Variants in CNTN5 observed in about 807,000 individuals in gnomAD.
CNTN5 encodes the protein contactin 5.
A neutral mutation model predicts 129.1 loss-of-function variants in CNTN5; 77 were observed. That is an observed-to-expected ratio of 0.60 (90% CI 0.50 to 0.72). The LOEUF (loss-of-function observed/expected upper bound fraction) is 0.72. Among genes scored for constraint, CNTN5 ranks in the 30% least tolerant of loss-of-function variants. The pLI, the probability that CNTN5 is intolerant of heterozygous loss-of-function variation, is 0.00. For synonymous variants in CNTN5, 509 were observed against 465.6 expected, an observed-to-expected ratio of 1.09 and a Z score of -1.20; for missense variants, 1,478 against 1,328.8, an observed-to-expected ratio of 1.11 and a Z score of -1.75.
At chr11:100,146,861 T>C (rs1404757894) in intron 13 of CNTN5, among the ~76,000 whole-genome samples, 1 of 152,160 alleles carries the variant, frequency 6.6e-6, no homozygotes, top group African/African-American at 2.4e-5. Flanking sequence ...AAATTTATTG[T>C]GTCAGCTCTT....
chr11:100,228,701 G>A (rs918518213), intron 16 of CNTN5, among the ~76,000 whole-genome samples: 3 of 152,064 alleles, frequency 2.0e-5, no homozygotes, highest in East Asian at 1.9e-4. Context: ...CACTGAAGTC[G>A]GCACTCAGAG....
intron 2 of CNTN5, among the ~76,000 whole-genome samples, chr11:99,554,870 G>C (rs1948614926): frequency 1.3e-5 from 2 of 152,006 alleles, no homozygotes; most frequent in Admixed American, 6.6e-5. Context: ...TTAGCTATGA[G>C]GTTGTTATTT....
intron 1 of CNTN5, among the ~76,000 whole-genome samples, chr11:99,130,889 A>C (rs564043785): frequency 2.6e-5 from 4 of 152,272 alleles, no homozygotes; most frequent in African/African-American, 9.6e-5. Context: ...TTAAGGCAGA[A>C]ATCAAGGAGT....
At chr11:100,178,850 A>T (rs1418417510) in intron 13 of CNTN5, among the ~76,000 whole-genome samples, 1 of 152,150 alleles carries the variant, frequency 6.6e-6, no homozygotes, top group South Asian at 2.1e-4. Flanking sequence ...TATATTGAAG[A>T]ACTCTCCAGC....
chr11:99,436,510 A>G (rs1039173007), intron 2 of CNTN5, among the ~76,000 whole-genome samples: 2 of 152,154 alleles, frequency 1.3e-5, no homozygotes, highest in African/African-American at 2.4e-5. Flanking sequence ...TTTAAGGTAC[A>G]GTTTCCCCAT....
intron 9 of CNTN5, among the ~76,000 whole-genome samples, chr11:100,048,938 G>C (rs1942824190): frequency 2.0e-5 from 3 of 152,028 alleles, no homozygotes; most frequent in Admixed American, 2.0e-4. Context: ...ATCTTAAATA[G>C]TTCACTTGGA....
chr11:99,371,782 A>G (rs1259965658), intron 2 of CNTN5, among the ~76,000 whole-genome samples: 1 of 152,206 alleles, frequency 6.6e-6, no homozygotes, highest in Non-Finnish European at 1.5e-5. Context: ...TTAATATAAA[A>G]CACACACCCC....
At chr11:100,027,618 C>T (rs1317139421) in intron 9 of CNTN5, among the ~76,000 whole-genome samples, 1 of 152,152 alleles carries the variant, frequency 6.6e-6, no homozygotes, top group Non-Finnish European at 1.5e-5. Context: ...TGAGGGATGT[C>T]CTGTAGATCT....
intron 17 of CNTN5, among the ~76,000 whole-genome samples, chr11:100,260,788 AC>A (rs1317555379): frequency 3.9e-5 from 6 of 152,362 alleles, no homozygotes; most frequent in Non-Finnish European, 8.8e-5. Context: ...TACTGATGGA[AC>A]ATATCTCAAA....
At chr11:99,532,939 G>A (rs1265778828) in intron 2 of CNTN5, among the ~76,000 whole-genome samples, 1 of 152,142 alleles carries the variant, frequency 6.6e-6, no homozygotes, top group Admixed American at 6.5e-5. Context: ...AATACCAATT[G>A]GGGCTGGGCA....
intron 1 of CNTN5, among the ~76,000 whole-genome samples, chr11:99,188,872 T>C (rs887398731): frequency 1.5e-4 from 23 of 151,894 alleles, no homozygotes; most frequent in African/African-American, 5.5e-4. Context: ...AGTTTTCTAC[T>C]CTCTTAGGAA....
At chr11:99,737,150 C>G (rs1030958297) in intron 3 of CNTN5, among the ~76,000 whole-genome samples, 2 of 150,100 alleles carry the variant, frequency 1.3e-5, no homozygotes, top group Non-Finnish European at 3.0e-5. Flanking sequence ...CACAAACACA[C>G]ACACACACAC....
chr11:99,430,965 C>CA (rs1477626359), intron 2 of CNTN5, among the ~76,000 whole-genome samples: 3 of 144,224 alleles, frequency 2.1e-5, no homozygotes, highest in Admixed American at 7.0e-5. Context: ...ATCAAGTAGC[C>CA]AAAAAAAAAT....
At chr11:99,799,686 G>A (rs1946054755) in intron 3 of CNTN5, among the ~76,000 whole-genome samples, 1 of 152,076 alleles carries the variant, frequency 6.6e-6, no homozygotes, top group African/African-American at 2.4e-5. Flanking sequence ...GTTTATCAGG[G>A]ATATTGGCAT....
chr11:99,982,979 T>C lies in CNTN5; in HGVS notation c.878-19055T>C, dbSNP rs564492397. Among the ~76,000 whole-genome samples the C allele has an allele frequency of 2.4e-4, 37 of 152,244 alleles. 2 individuals are homozygous for C. In the South Asian group the frequency reaches 7.3e-3, roughly 30 times the overall value. Reference sequence around the variant, plus strand: ...GTCAATGAGAGAAACCTGTGGACCATGGAGGGCCCAAAGAGTAACAGGTAG... The same window carrying C: ...GTCAATGAGAGAAACCTGTGGACCACGGAGGGCCCAAAGAGTAACAGGTAG... On this transcript the variant is annotated intron_variant, in intron 8 of 24. Coordinates refer to ENST00000524871, the MANE Select transcript of CNTN5 (RefSeq NM_014361.4).
At chr11:99,192,397 A>C (rs1181216226) in intron 1 of CNTN5, among the ~76,000 whole-genome samples, 2 of 151,656 alleles carry the variant, frequency 1.3e-5, no homozygotes, top group Non-Finnish European at 3.0e-5. Flanking sequence ...ACTTTTCTTT[A>C]TTTTTTTCTT....
At chr11:99,445,879 T>G (rs1347200810) in intron 2 of CNTN5, among the ~76,000 whole-genome samples, 3 of 151,570 alleles carry the variant, frequency 2.0e-5, no homozygotes, top group Non-Finnish European at 4.4e-5. Context: ...AGGTCAGGAG[T>G]TCGAGACTAG....
intron 1 of CNTN5, among the ~76,000 whole-genome samples, chr11:99,025,966 G>T (rs1863091614): frequency 6.6e-6 from 1 of 151,584 alleles, no homozygotes. Flanking sequence ...TTACATGCAA[G>T]AACTTACTTT....
chr11:99,497,313 A>G (rs559301728), intron 2 of CNTN5, among the ~76,000 whole-genome samples: 11 of 152,228 alleles, frequency 7.2e-5, no homozygotes, highest in Non-Finnish European at 1.5e-4. Flanking sequence ...TTGATGAGTT[A>G]GATGTCTTGA....
Sources: allele counts gnomAD v4.1 joint callset (sites outside exome capture counted in the v4.1 genomes callset), GRCh38; gene constraint gnomAD v4.1.1; transcripts MANE v1.5; gene names NCBI Gene and HGNC (gene_info 2026-07-23, HGNC 2026-07-21).